DISC1: variants seen among roughly 807,000 people sequenced by gnomAD.
The protein encoded by DISC1 is disrupted in schizophrenia 1 protein.
In DISC1, 57 loss-of-function variants were observed where a neutral mutation model predicts 84.5. The ratio of observed to expected loss-of-function variants is 0.67; its 90% CI spans 0.55 to 0.84. The LOEUF is 0.84. Among genes scored for constraint, DISC1 ranks in the 40% least tolerant of loss-of-function variants. DISC1 has a pLI of 0.00. For missense variants in DISC1, 1,000 were observed against 1,057.8 expected (o/e 0.95, Z 0.76); for synonymous variants, 411 against 415.2 (o/e 0.99, Z 0.12).
intron 7 of DISC1, among the ~76,000 whole-genome samples, chr1:231,795,892 G>GA (rs1024797453): frequency 2.0e-4 from 30 of 148,074 alleles, no homozygotes; most frequent in East Asian, 5.9e-4. Context: ...CTATCTCAAA[G>GA]AAAAAAAAAA....
At position 231,626,905 on chromosome 1, in the gene DISC1, C is replaced by CCGGCGG; in HGVS notation, c.47_52dup (p.Gly16_Gly17dup). On this transcript the variant is annotated inframe_insertion, in exon 1 of 13. Transcript: ENST00000439617. ...GGTCCTCAGGGCGCCCCAGCCGCCG[C>CCGGCGG]CGGCGGCGGCGGCGTGAGCCACCGC... 1 of 1,502,532 alleles carries CCGGCGG rather than the reference C, an allele frequency of 6.7e-7. No homozygotes were observed. The highest frequency in any genetic ancestry group is 1.2e-5 in the South Asian group (1 of 81,170). The allele number at this position is 1,502,532 out of a possible 1,614,324, so 93.1% of individuals were successfully genotyped here.
chr1:231,769,235 C>T (rs1278620168), intron 5 of DISC1, among the ~76,000 whole-genome samples: 1 of 152,182 alleles, frequency 6.6e-6, no homozygotes, highest in African/African-American at 2.4e-5. Flanking sequence ...AATTGATTGA[C>T]TGTGTGGTCC....
intron 1 of DISC1, among the ~76,000 whole-genome samples, chr1:231,688,012 A>G (rs1005746022): frequency 6.6e-6 from 1 of 152,242 alleles, no homozygotes; most frequent in Non-Finnish European, 1.5e-5. Flanking sequence ...AGCCTCAGGA[A>G]ATGGTAGGGG....
chr1:231,632,012 T>C (rs2058750353), intron 1 of DISC1, among the ~76,000 whole-genome samples: 2 of 152,338 alleles, frequency 1.3e-5, no homozygotes, highest in South Asian at 2.1e-4. Context: ...TAGTGTATTT[T>C]TACTGTACCT....
intron 11 of DISC1, among the ~76,000 whole-genome samples, chr1:232,021,425 G>A (rs761436218): frequency 3.9e-5 from 6 of 152,004 alleles, no homozygotes; most frequent in South Asian, 2.1e-4. Context: ...ATTGAACTAG[G>A]AGCCAGGGAT....
chr1:231,656,642 G>C (rs1005439717), intron 1 of DISC1, among the ~76,000 whole-genome samples: 3 of 151,992 alleles, frequency 2.0e-5, no homozygotes, highest in Admixed American at 6.6e-5. Flanking sequence ...TTTATTTTAA[G>C]TTCATGGGTA....
At chr1:231,872,155 C>T (rs2085509966) in intron 9 of DISC1, among the ~76,000 whole-genome samples, 1 of 152,190 alleles carries the variant, frequency 6.6e-6, no homozygotes, top group Non-Finnish European at 1.5e-5. Context: ...AGATCAATAC[C>T]TATATCTCAA....
intron 2 of DISC1, among the ~76,000 whole-genome samples, chr1:231,695,905 C>A (rs192233074): frequency 1.3e-5 from 2 of 152,256 alleles, no homozygotes; most frequent in East Asian, 3.9e-4. Context: ...TCAGGGACCT[C>A]AGCCCAGCCC....
chr1:231,796,833 G>C (rs1485290477), intron 7 of DISC1, among the ~76,000 whole-genome samples: 1 of 152,132 alleles, frequency 6.6e-6, no homozygotes, highest in Non-Finnish European at 1.5e-5. Context: ...TCCTGCCTCA[G>C]CCTCCCAAGT....
rs566527365 is a variant in DISC1 at position 232,038,048 on chromosome 1, A to G, written c.*1217A>G. 1 of 151,968 alleles carries G rather than the reference A, an allele frequency of 6.6e-6. No homozygotes were observed. Among genetic ancestry groups the G allele is most frequent in the African/African-American group, 2.4e-5 (1 of 41,394 alleles). The allele number at this position is 151,968 out of a possible 1,614,324, so 9.4% of individuals were successfully genotyped here. On this transcript the variant is annotated 3_prime_UTR_variant, in exon 13 of 13. Coordinates refer to ENST00000439617, the MANE Select transcript of DISC1 (RefSeq NM_018662.3). ...ACAGTACTCAGTAAGGCAGTATGGT[A>G]CTCAGTAAAGCAATGCAATGCTCAG... is the stretch of plus-strand genomic sequence containing the variant.
At chr1:232,002,465 G>A (rs1666813372) in intron 10 of DISC1, among the ~76,000 whole-genome samples, 1 of 152,044 alleles carries the variant, frequency 6.6e-6, no homozygotes, top group African/African-American at 2.4e-5. Context: ...CCCCACACTA[G>A]GAGTATCCGA....
At chr1:231,795,327 G>A (rs1315142869) in intron 7 of DISC1, 31 bp downstream of exon 7, 1 of 1,591,982 alleles carries the variant, frequency 6.3e-7, no homozygotes, top group Admixed American at 1.7e-5. Flanking sequence ...ATTTTCCAAA[G>A]AAGCCTATGA....
At chr1:232,036,649 G>A in intron 12 of DISC1, 43 bp from the exon 13 acceptor site, 1 of 1,504,774 alleles carries the variant, frequency 6.6e-7, no homozygotes, top group South Asian at 1.4e-5. Context: ...GGCCGCAGAG[G>A]GCCACGATCA....
At chr1:231,721,102 C>T (rs2069617262) in intron 3 of DISC1, 2 of 1,289,346 alleles carry the variant, frequency 1.6e-6, no homozygotes, top group Non-Finnish European at 1.0e-6. Flanking sequence ...ATGATGTCCT[C>T]ATCTGCCAAA....
chr1:231,795,159 TC>T (rs1310356546), intron 6 of DISC1, 82 bp from the exon 7 acceptor site: 11 of 1,352,016 alleles, frequency 8.1e-6, no homozygotes, highest in Non-Finnish European at 1.2e-5. Flanking sequence ...AGTGGAAGGT[TC>T]ACTTTTTGCA....
intron 1 of DISC1, chr1:231,670,679 G>A (rs543310128): frequency 6.6e-6 from 1 of 152,006 alleles, no homozygotes; most frequent in Non-Finnish European, 1.5e-5. Flanking sequence ...TGACTTTTAC[G>A]AAAGATTCCC....
intron 9 of DISC1, chr1:231,818,985 G>GT (rs1397531172): frequency 1.0e-6 from 1 of 998,374 alleles, no homozygotes; most frequent in Non-Finnish European, 1.2e-6. Context: ...GAAGGATGAT[G>GT]TAGAAGATGT....
At chr1:231,676,317 T>C (rs1027969263) in intron 1 of DISC1, among the ~76,000 whole-genome samples, 2 of 152,240 alleles carry the variant, frequency 1.3e-5, no homozygotes, top group Non-Finnish European at 2.9e-5. Context: ...CTGTGGGACC[T>C]TCCCTGTGAC....
intron 9 of DISC1, among the ~76,000 whole-genome samples, chr1:231,886,922 C>T (rs1237134300): frequency 1.3e-5 from 2 of 148,234 alleles, no homozygotes; most frequent in African/African-American, 5.0e-5. Flanking sequence ...AGTGCAGTGG[C>T]GCCATCTCAG....
Sources: gnomAD v4.1 joint callset for allele counts (sites outside exome capture counted in the v4.1 genomes callset) on GRCh38, gnomAD v4.1.1 for gene constraint, MANE v1.5 for transcripts, NCBI Gene and HGNC (gene_info 2026-07-23, HGNC 2026-07-21) for gene names.